CRPPA: variants seen among roughly 807,000 people sequenced by gnomAD.
The protein encoded by CRPPA is CDP-L-ribitol pyrophosphorylase A, also known as D-ribitol-5-phosphate cytidylyltransferase.
Under a neutral mutation model 52.0 loss-of-function variants are expected in CRPPA, and 43 were observed. The observed-to-expected ratio is 0.83, with a 90% CI of 0.65 to 1.07. The LOEUF (loss-of-function observed/expected upper bound fraction) is 1.07, where lower values mean the gene tolerates loss of function less well. Ranked by LOEUF, CRPPA falls within the 50% of genes least tolerant of loss-of-function variation. CRPPA has a pLI of 0.00. For synonymous variants in CRPPA, 250 were observed against 203.5 expected (o/e 1.23, Z -1.94); for missense variants, 629 against 551.7 (o/e 1.14, Z -1.40).
At chr7:16,111,502 A>G (rs1782263848) in intron 9 of CRPPA, among the ~76,000 whole-genome samples, 1 of 152,252 alleles carries the variant, frequency 6.6e-6, no homozygotes, top group Admixed American at 6.5e-5. Flanking sequence ...TATTCACAAT[A>G]GCCAAGTTAT....
At chr7:16,322,418 C>T (rs183965863) in intron 3 of CRPPA, among the ~76,000 whole-genome samples, 2 of 152,180 alleles carry the variant, frequency 1.3e-5, no homozygotes, top group East Asian at 3.9e-4. Flanking sequence ...TAAGAACTGG[C>T]CAGTTTGTAA....
chr7:16,111,467 C>G (rs561196821), intron 9 of CRPPA, among the ~76,000 whole-genome samples: 2 of 152,184 alleles, frequency 1.3e-5, no homozygotes, highest in Non-Finnish European at 2.9e-5. Flanking sequence ...GATGTCTGCA[C>G]TCACTCCCAT....
At chr7:16,105,372 G>T (rs1249984060) in intron 9 of CRPPA, among the ~76,000 whole-genome samples, 1 of 152,358 alleles carries the variant, frequency 6.6e-6, no homozygotes, top group Non-Finnish European at 1.5e-5. Context: ...AATGCCAGAT[G>T]AAAAGAATTT....
chr7:16,358,184 G>A (rs61391935), intron 3 of CRPPA, among the ~76,000 whole-genome samples: 17,121 of 152,146 alleles, frequency 0.11, 1,153 homozygotes, highest in East Asian at 0.36. Context: ...AAACACCACC[G>A]AGTGCCACAC....
chr7:16,107,371 C>G (rs538530098), intron 9 of CRPPA, among the ~76,000 whole-genome samples: 3 of 151,958 alleles, frequency 2.0e-5, no homozygotes, highest in African/African-American at 7.3e-5. Context: ...AGCAGCAAGA[C>G]ATAAGAAACA....
intron 3 of CRPPA, among the ~76,000 whole-genome samples, chr7:16,315,731 G>T (rs2128426244): frequency 6.6e-6 from 1 of 151,730 alleles, no homozygotes; most frequent in South Asian, 2.1e-4. Flanking sequence ...GACTGTGGGG[G>T]CTCCCCTTTG....
At chr7:16,395,535 T>A (rs796730761) in intron 2 of CRPPA, among the ~76,000 whole-genome samples, 14 of 152,368 alleles carry the variant, frequency 9.2e-5, no homozygotes, top group African/African-American at 3.1e-4. Flanking sequence ...ACATATTTAA[T>A]CATAGAATAC....
At chr7:16,346,851 C>T (rs1786026343) in intron 3 of CRPPA, among the ~76,000 whole-genome samples, 1 of 151,992 alleles carries the variant, frequency 6.6e-6, no homozygotes, top group African/African-American at 2.4e-5. Context: ...ACGTAGCTAC[C>T]TCCCTTTCAG....
At chr7:16,275,094 G>C (rs1473019922) in intron 6 of CRPPA, among the ~76,000 whole-genome samples, 1 of 151,868 alleles carries the variant, frequency 6.6e-6, no homozygotes, top group African/African-American at 2.4e-5. Context: ...TAATATTAGT[G>C]GGTAGGGATA....
At chr7:16,276,427 T>TTATA (rs1186344097) in intron 6 of CRPPA, 1 of 152,180 alleles carries the variant, frequency 6.6e-6, no homozygotes, top group Non-Finnish European at 1.5e-5. Context: ...ACTAAATCAC[T>TTATA]TATAAGACAA....
chr7:16,278,063 G>T (rs1323150492), intron 6 of CRPPA, 66 bp downstream of exon 6: 4 of 796,368 alleles, frequency 5.0e-6, no homozygotes, highest in Non-Finnish European at 8.3e-6. Flanking sequence ...TTCCAAGAAA[G>T]ATATCTTTAT....
intron 9 of CRPPA, among the ~76,000 whole-genome samples, chr7:16,168,123 T>C (rs911976942): frequency 1.3e-5 from 2 of 152,210 alleles, no homozygotes; most frequent in Non-Finnish European, 2.9e-5. Flanking sequence ...ACTTGATGTA[T>C]AAAAATGTTT....
At chr7:16,092,683 A>T (rs995504660) in intron 9 of CRPPA, among the ~76,000 whole-genome samples, 5 of 152,200 alleles carry the variant, frequency 3.3e-5, no homozygotes, top group African/African-American at 1.2e-4. Flanking sequence ...CCCACAGGGA[A>T]GTCAAAATAC....
At chr7:16,102,610 GA>G (rs140682981) in intron 9 of CRPPA, among the ~76,000 whole-genome samples, 1 of 151,488 alleles carries the variant, frequency 6.6e-6, no homozygotes, top group Non-Finnish European at 1.5e-5. Context: ...AAATTTACAA[GA>G]AAAAAAACAA....
chr7:16,210,816 A>G (rs1782113973), intron 9 of CRPPA, among the ~76,000 whole-genome samples: 1 of 152,122 alleles, frequency 6.6e-6, no homozygotes, highest in Non-Finnish European at 1.5e-5. Context: ...CTCTTCATTT[A>G]CATACAGAAA....
intron 8 of CRPPA, among the ~76,000 whole-genome samples, chr7:16,219,551 C>T (rs1231036834): frequency 2.7e-5 from 3 of 110,414 alleles, no homozygotes; most frequent in African/African-American, 9.7e-5. Flanking sequence ...GCTAGCAAGA[C>T]TAATAAAGAA....
At chr7:16,096,601 A>T (rs1463233181) in intron 9 of CRPPA, among the ~76,000 whole-genome samples, 1 of 152,148 alleles carries the variant, frequency 6.6e-6, no homozygotes, top group African/African-American at 2.4e-5. Context: ...ACTTCATAAC[A>T]GTGTCAATTT....
At chr7:16,256,914 T>A (rs1478322085) in intron 8 of CRPPA, among the ~76,000 whole-genome samples, 2 of 152,028 alleles carry the variant, frequency 1.3e-5, no homozygotes, top group Non-Finnish European at 2.9e-5. Context: ...AGTATAATTT[T>A]AAAAAAATGT....
chr7:16,231,879 T>A (rs1782806691), intron 8 of CRPPA, among the ~76,000 whole-genome samples: 1 of 152,080 alleles, frequency 6.6e-6, no homozygotes. Context: ...CAAAACAAAG[T>A]GAGCTGTACA....
Sources: gnomAD v4.1 joint callset for allele counts (sites outside exome capture counted in the v4.1 genomes callset) on GRCh38, gnomAD v4.1.1 for gene constraint, MANE v1.5 for transcripts, NCBI Gene and HGNC (gene_info 2026-07-23, HGNC 2026-07-21) for gene names.